Variants in WNT7A observed in about 807,000 individuals in gnomAD.
WNT7A encodes protein Wnt-7a.
A neutral mutation model predicts 28.2 loss-of-function variants in WNT7A; 16 were observed. The observed-to-expected ratio is 0.57, with a 90% confidence interval of 0.38 to 0.86. WNT7A has a LOEUF of 0.86. WNT7A is among the 40% of genes least tolerant of loss of function. WNT7A has a pLI of 0.00. For missense variants in WNT7A, 411 were observed against 489.7 expected (o/e 0.84, Z 1.52); for synonymous variants, 190 against 195.9 (o/e 0.97, Z 0.25).
chr3:13,842,736 T>C (rs1575065106), intron 3 of WNT7A, among the ~76,000 whole-genome samples: 2 of 152,062 alleles, frequency 1.3e-5, no homozygotes, highest in East Asian at 3.9e-4. Context: ...ACCAGCAAGT[T>C]TGTGGGAGAA....
Position 13,879,892 on chromosome 3 carries a change from T to C in WNT7A, c.-76A>G, listed in dbSNP as rs1695182975. The C allele has an allele frequency of 8.1e-7, 1 of 1,229,076 alleles. No individual in the cohort carries two copies. The highest frequency in any genetic ancestry group is 2.4e-5 in the South Asian group (1 of 41,602). The allele number at this position is 1,229,076 out of a possible 1,614,324, so 76.1% of individuals were successfully genotyped here. Reference sequence around the variant, plus strand: ...GCCGGCCCCGGCGGGGCAATCAACATAGCCCGCCCGGGAGGCGCGAGCCGA... The same window carrying C: ...GCCGGCCCCGGCGGGGCAATCAACACAGCCCGCCCGGGAGGCGCGAGCCGA... On this transcript the variant is annotated 5_prime_UTR_variant, in exon 1 of 4. The change abolishes an upstream ATG in the 5' untranslated region. Transcript: ENST00000285018.
chr3:13,845,984 C>T (rs1559299961), intron 3 of WNT7A, among the ~76,000 whole-genome samples: 1 of 152,224 alleles, frequency 6.6e-6, no homozygotes, highest in East Asian at 1.9e-4. Context: ...TGGCCATCTC[C>T]TTGTCCAGTC....
At chr3:13,833,785 T>G (rs1694320921) in intron 3 of WNT7A, among the ~76,000 whole-genome samples, 1 of 152,238 alleles carries the variant, frequency 6.6e-6, no homozygotes, top group Non-Finnish European at 1.5e-5. Context: ...ACTGAACCTA[T>G]GTGCTTCTCC....
At chr3:13,860,561 A>C (rs1268282963) in intron 2 of WNT7A, among the ~76,000 whole-genome samples, 8 of 152,084 alleles carry the variant, frequency 5.3e-5, no homozygotes, top group Admixed American at 5.2e-4. Context: ...TAAATCTCAG[A>C]CTCCATCCAT....
Position 13,818,799 on chromosome 3 carries a change from C to T in WNT7A, c.*145G>A, listed in dbSNP as rs1694060514. 5 of 1,270,162 alleles carry T rather than the reference C, an allele frequency of 3.9e-6. No homozygotes were observed. Among genetic ancestry groups the T allele is most frequent in the African/African-American group, 1.5e-5 (1 of 66,364 alleles). The allele number at this position is 1,270,162 out of a possible 1,614,324, so 78.7% of individuals were successfully genotyped here. A position where few individuals can be genotyped will look rare whatever the true frequency, so the allele number is the denominator to read the frequency against. On this transcript the variant is annotated 3_prime_UTR_variant, in exon 4 of 4. Coordinates refer to ENST00000285018, the MANE Select transcript of WNT7A (RefSeq NM_004625.4). Reference sequence around the variant, plus strand: ...GCTCTGAGAGATTTTTTTTCCCCCACGGATGCCTGCAGGAAACCCAGGAAA... The same window carrying T: ...GCTCTGAGAGATTTTTTTTCCCCCATGGATGCCTGCAGGAAACCCAGGAAA...
intron 3 of WNT7A, among the ~76,000 whole-genome samples, chr3:13,833,373 A>G (rs976558861): frequency 2.6e-5 from 4 of 152,118 alleles, no homozygotes; most frequent in African/African-American, 4.8e-5. Context: ...ACACAAGCGC[A>G]CACACACACA....
intron 2 of WNT7A, among the ~76,000 whole-genome samples, chr3:13,867,148 T>A (rs1396478250): frequency 6.6e-6 from 1 of 152,070 alleles, no homozygotes; most frequent in Non-Finnish European, 1.5e-5. Flanking sequence ...TTACATCCCG[T>A]ATCATGTAAT....
chr3:13,868,679 GGA>G (rs1559307115), intron 2 of WNT7A, among the ~76,000 whole-genome samples: 64 of 2,706 alleles, frequency 0.024, 1 homozygote, highest in African/African-American at 0.077. Flanking sequence ...GGAGAGAGGG[GGA>G]GAGAGAGAGA....
At chr3:13,859,075 G>A (rs1053374989) in intron 2 of WNT7A, among the ~76,000 whole-genome samples, 3 of 152,238 alleles carry the variant, frequency 2.0e-5, no homozygotes, top group Non-Finnish European at 2.9e-5. Context: ...CTGGCATGCC[G>A]TGAGTGCTCA....
intron 3 of WNT7A, among the ~76,000 whole-genome samples, chr3:13,821,822 GGGTCC>G (rs1694114729): frequency 6.6e-6 from 1 of 152,204 alleles, no homozygotes; most frequent in Admixed American, 6.5e-5. Context: ...TGTCTTCTGG[GGGTCC>G]TGGCAATATT....
At chr3:13,833,584 T>C (rs1416658558) in intron 3 of WNT7A, among the ~76,000 whole-genome samples, 2 of 152,230 alleles carry the variant, frequency 1.3e-5, no homozygotes, top group Non-Finnish European at 1.5e-5. Context: ...AGATGCATTC[T>C]GGGTGCCTCT....
At chr3:13,823,920 G>A (rs1467964823) in intron 3 of WNT7A, among the ~76,000 whole-genome samples, 2 of 152,138 alleles carry the variant, frequency 1.3e-5, no homozygotes, top group East Asian at 3.9e-4. Flanking sequence ...CTCCTGCTGG[G>A]AAGTCCTCTC....
chr3:13,856,902 G>GAAGAAGAAGAAGAAGAAGAAA (rs1559303213), intron 2 of WNT7A, among the ~76,000 whole-genome samples: 22 of 56,794 alleles, frequency 3.9e-4, no homozygotes, highest in African/African-American at 1.0e-3. Flanking sequence ...AAAAGAAGAA[G>GAAGAAGAAGAAGAAGAAGAAA]AAGAAGAAGA....
chr3:13,828,355 G>T (rs1030683871), intron 3 of WNT7A, among the ~76,000 whole-genome samples: 3 of 152,200 alleles, frequency 2.0e-5, no homozygotes, highest in Non-Finnish European at 4.4e-5. Flanking sequence ...ATGCAGCTGG[G>T]TCCTGGGAAT....
At position 13,834,769 on chromosome 3, in the gene WNT7A, C is replaced by T. The variant is rs182436267; in HGVS notation, c.571-15346G>A. 9.2e-5 allele frequency among the ~76,000 whole-genome samples: 14 copies of T among 152,240 alleles called. No homozygotes were observed. In the East Asian group the frequency reaches 1.4e-3, roughly 15 times the overall value. ...CCCTGACTTTTGCCCTGGTCTTTCC[C>T]GCCCCTGCCCCGGCTTGTTTTGCTC... is the stretch of plus-strand genomic sequence containing the variant. On this transcript the variant is annotated intron_variant, in intron 3 of 3. Transcript: ENST00000285018.
At chr3:13,874,527 T>C (rs1695074506) in intron 2 of WNT7A, among the ~76,000 whole-genome samples, 2 of 152,132 alleles carry the variant, frequency 1.3e-5, no homozygotes, top group Admixed American at 1.3e-4. Flanking sequence ...CTGCTGCAAC[T>C]AAAGGGAGTT....
chr3:13,863,537 A>G (rs1286376221), intron 2 of WNT7A: 1 of 152,164 alleles, frequency 6.6e-6, no homozygotes, highest in Non-Finnish European at 1.5e-5. Flanking sequence ...ATAACAAAAG[A>G]GTCATCTCAG....
rs185812811 is a variant in WNT7A, at chr3:13,876,150, G to T, written c.72-977C>A. On this transcript the variant is annotated intron_variant, in intron 1 of 3. Coordinates refer to ENST00000285018, the MANE Select transcript of WNT7A (RefSeq NM_004625.4). ...GGAGTTGACATTAGAACAGAACAGA[G>T]ATCTGAATTGCCAGGAGGCATCTGT... Among the ~76,000 whole-genome samples the T allele has an allele frequency of 6.4e-4, 98 of 152,334 alleles. 1 individual carries two copies. Among genetic ancestry groups the T allele is most frequent in the South Asian group, 1.2e-3 (6 of 4,824 alleles).
At chr3:13,849,242 A>G (rs747073540) in intron 3 of WNT7A, among the ~76,000 whole-genome samples, 24 of 152,218 alleles carry the variant, frequency 1.6e-4, no homozygotes, top group Non-Finnish European at 3.2e-4. Context: ...AAGGGTACAC[A>G]AGATCTCTTC....
Sources: allele counts gnomAD v4.1 joint callset (sites outside exome capture counted in the v4.1 genomes callset), GRCh38; gene constraint gnomAD v4.1.1; transcripts MANE v1.5; gene names NCBI Gene and HGNC (gene_info 2026-07-23, HGNC 2026-07-21).